The following RGS12 variants were observed in gnomAD, a reference collection of about 807,000 sequenced individuals.
RGS12 encodes the protein regulator of G protein signaling 12, also known as regulator of G-protein signaling 12.
In RGS12, 66 loss-of-function variants were observed where a neutral mutation model predicts 120.1. The ratio of observed to expected loss-of-function variants is 0.55; its 90% CI spans 0.45 to 0.67. The LOEUF (loss-of-function observed/expected upper bound fraction) is 0.67, where lower values mean the gene tolerates loss of function less well. RGS12 is among the 30% of genes least tolerant of loss of function. RGS12 has a pLI of 0.00. For synonymous variants in RGS12, 827 were observed against 804.7 expected, an observed-to-expected ratio of 1.03 and a Z score of -0.47; for missense variants, 1,859 against 1,957.7, an observed-to-expected ratio of 0.95 and a Z score of 0.95.
intron 4 of RGS12, among the ~76,000 whole-genome samples, chr4:3,410,120 T>C (rs1351431387): frequency 6.6e-6 from 1 of 152,202 alleles, no homozygotes; most frequent in Non-Finnish European, 1.5e-5. Flanking sequence ...GTCATGGTGC[T>C]CATAATGCAG....
At chr4:3,323,219 G>A (rs1266763281) in intron 2 of RGS12, among the ~76,000 whole-genome samples, 2 of 152,244 alleles carry the variant, frequency 1.3e-5, no homozygotes, top group Admixed American at 6.5e-5. Context: ...GTGGCGCCTC[G>A]CTCGTGTTGG....
intron 3 of RGS12, among the ~76,000 whole-genome samples, chr4:3,363,891 C>T (rs1031433417): frequency 6.6e-6 from 1 of 151,246 alleles, no homozygotes. Flanking sequence ...GAGGAGTGGG[C>T]GGGGGAAGCT....
At chr4:3,430,299 T>C (rs1039248720) in intron 16 of RGS12, 108 bp from the exon 17 acceptor site, 4 of 960,184 alleles carry the variant, frequency 4.2e-6, no homozygotes, top group African/African-American at 3.3e-5. Flanking sequence ...CCACAGCTGA[T>C]AGGGTGTTAG....
Position 3,414,252 on chromosome 4 carries a change from A to T in RGS12, c.2190+11A>T, listed in dbSNP as rs1349248665. 16 of 1,531,770 alleles carry T rather than the reference A, an allele frequency of 1.0e-5. No homozygotes were observed. Among genetic ancestry groups the T allele is most frequent in the Non-Finnish European group, 1.4e-5 (16 of 1,140,894 alleles). 94.9% of individuals were successfully genotyped at this position (1,531,770 alleles called of 1,614,324 possible). ...GTCCGCTACTTCTCTGTGAGTAGGGAAGGGCCCAGGAGCAGCGGAGCGGTC... is the reference window on the plus strand; with the variant it reads ...GTCCGCTACTTCTCTGTGAGTAGGGTAGGGCCCAGGAGCAGCGGAGCGGTC... On this transcript the variant is annotated intron_variant, in intron 5 of 17. Transcript: ENST00000336727.
At chr4:3,351,766 A>T (rs367730638) in intron 3 of RGS12, among the ~76,000 whole-genome samples, 3 of 152,180 alleles carry the variant, frequency 2.0e-5, no homozygotes, top group Admixed American at 1.3e-4. Context: ...AACGGACCAC[A>T]GTATAGCTGG....
chr4:3,391,762 T>C (rs1330099064), intron 4 of RGS12, among the ~76,000 whole-genome samples: 3 of 141,686 alleles, frequency 2.1e-5, no homozygotes, highest in Admixed American at 2.0e-4. Flanking sequence ...CTGGGGTGTT[T>C]GGGGGCCTCA....
intron 4 of RGS12, among the ~76,000 whole-genome samples, chr4:3,400,325 A>G (rs969472704): frequency 2.0e-5 from 3 of 152,356 alleles, no homozygotes; most frequent in Non-Finnish European, 2.9e-5. Context: ...AAATGCAAAG[A>G]TAGTTCACCC....
At chr4:3,434,699 C>CA (rs528536462) in intron 17 of RGS12, among the ~76,000 whole-genome samples, 15 of 152,342 alleles carry the variant, frequency 9.8e-5, no homozygotes, top group African/African-American at 3.1e-4. Flanking sequence ...CCCGAGTTTC[C>CA]AATGCACAGT....
intron 4 of RGS12, among the ~76,000 whole-genome samples, chr4:3,409,881 C>A (rs1488460226): frequency 6.6e-6 from 1 of 152,186 alleles, no homozygotes; most frequent in Non-Finnish European, 1.5e-5. Flanking sequence ...TAGGCAGCCT[C>A]CAGGCCACCC....
intron 4 of RGS12, among the ~76,000 whole-genome samples, chr4:3,404,993 G>A (rs796831266): frequency 5.3e-5 from 8 of 152,348 alleles, no homozygotes; most frequent in African/African-American, 1.9e-4. Context: ...CTGAAGGAGG[G>A]ACTGAGCTTC....
Position 3,417,053 on chromosome 4 carries a change from C to T in RGS12, c.2568C>T (p.Ser856=), listed in dbSNP as rs1311120087. The T allele has an allele frequency of 1.2e-6, 2 of 1,612,728 alleles. No individual in the cohort carries two copies. Among genetic ancestry groups the T allele is most frequent in the Non-Finnish European group, 1.7e-6 (2 of 1,179,598 alleles). Residue 856 remains serine, a synonymous_variant, in exon 8 of 18, where the codon AGC becomes AGT. Transcript: ENST00000336727. ...QVPSSPASKH[S]LGSDHSSVST... is the part of the protein sequence containing the mutation. ...CCAGCAGCCCGGCTTCCAAGCACAG[C>T]CTCGGTTCAGACCACTCCAGTGTGT...
At chr4:3,406,891 C>T (rs1314148122) in intron 4 of RGS12, among the ~76,000 whole-genome samples, 2 of 152,136 alleles carry the variant, frequency 1.3e-5, no homozygotes, top group African/African-American at 4.8e-5. Flanking sequence ...TAAAAATGTT[C>T]CTTATGGTTC....
At chr4:3,381,464 T>G (rs1718247490) in intron 3 of RGS12, among the ~76,000 whole-genome samples, 1 of 152,196 alleles carries the variant, frequency 6.6e-6, no homozygotes, top group East Asian at 1.9e-4. Flanking sequence ...CTGGGTAATT[T>G]ATAAAGGAAA....
chr4:3,300,398 G>T (rs1426495215), intron 1 of RGS12, among the ~76,000 whole-genome samples: 1 of 152,154 alleles, frequency 6.6e-6, no homozygotes, highest in African/African-American at 2.4e-5. Flanking sequence ...GTGGAAGAGG[G>T]ACAGCTCTGT....
intron 1 of RGS12, among the ~76,000 whole-genome samples, chr4:3,308,497 G>A (rs991677643): frequency 1.6e-4 from 24 of 152,202 alleles, no homozygotes; most frequent in Admixed American, 3.3e-4. Context: ...TTCCGCGGGC[G>A]GCTGGGGTGC....
At chr4:3,367,672 A>G (rs549359450) in intron 3 of RGS12, among the ~76,000 whole-genome samples, 90 of 152,342 alleles carry the variant, frequency 5.9e-4, no homozygotes, top group Admixed American at 2.4e-3. Context: ...TCAGGCGGTC[A>G]CAGGAGTTCT....
At chr4:3,332,846 A>G (rs1578748913) in intron 2 of RGS12, among the ~76,000 whole-genome samples, 1 of 152,136 alleles carries the variant, frequency 6.6e-6, no homozygotes, top group East Asian at 1.9e-4. Flanking sequence ...TATTTTTGAG[A>G]TGGAGTCTCA....
At chr4:3,349,476 C>A (rs1434348877) in intron 3 of RGS12, among the ~76,000 whole-genome samples, 3 of 152,156 alleles carry the variant, frequency 2.0e-5, no homozygotes. Flanking sequence ...TTAGTGGTTT[C>A]TTTCTCTTTG....
chr4:3,395,732 TGTTCAA>T (rs2109013085), intron 4 of RGS12, among the ~76,000 whole-genome samples: 1 of 152,348 alleles, frequency 6.6e-6, no homozygotes, highest in East Asian at 1.9e-4. Context: ...GTGAAGTGCT[TGTTCAA>T]GACTTTTGCT....
Sources: allele counts gnomAD v4.1 joint callset (sites outside exome capture counted in the v4.1 genomes callset), GRCh38; gene constraint gnomAD v4.1.1; transcripts MANE v1.5; gene names NCBI Gene and HGNC (gene_info 2026-07-23, HGNC 2026-07-21).